PPM1H: variants seen among roughly 807,000 people sequenced by gnomAD.
PPM1H encodes the protein protein phosphatase, Mg2+/Mn2+ dependent 1H.
A neutral mutation model predicts 54.9 loss-of-function variants in PPM1H; 27 were observed. That is an observed-to-expected ratio of 0.49 (90% CI 0.36 to 0.68). PPM1H has a LOEUF of 0.68. Ranked by LOEUF, PPM1H falls within the 30% of genes least tolerant of loss-of-function variation. PPM1H has a pLI of 0.00. For missense variants in PPM1H, 596 were observed against 667.8 expected, an observed-to-expected ratio of 0.89 and a Z score of 1.19; for synonymous variants, 305 against 270.8, an observed-to-expected ratio of 1.13 and a Z score of -1.24.
At chr12:62,785,144 C>G (rs1048935459) in intron 4 of PPM1H, among the ~76,000 whole-genome samples, 1 of 151,868 alleles carries the variant, frequency 6.6e-6, no homozygotes, top group African/African-American at 2.4e-5. Flanking sequence ...ATCTGTTAGG[C>G]TTTTCAAATG....
At chr12:62,913,844 G>C (rs181720920) in intron 1 of PPM1H, among the ~76,000 whole-genome samples, 2 of 152,080 alleles carry the variant, frequency 1.3e-5, no homozygotes, top group Non-Finnish European at 2.9e-5. Flanking sequence ...GGGATTATAC[G>C]CATGCGCCAC....
chr12:62,791,788 G>A (rs1397253064), intron 3 of PPM1H, among the ~76,000 whole-genome samples: 4 of 152,134 alleles, frequency 2.6e-5, no homozygotes, highest in Admixed American at 6.5e-5. Flanking sequence ...GCTGGGTATG[G>A]TGGTGTGCAC....
At chr12:62,835,710 C>A (rs1391063476) in intron 1 of PPM1H, among the ~76,000 whole-genome samples, 2 of 151,848 alleles carry the variant, frequency 1.3e-5, no homozygotes, top group Non-Finnish European at 2.9e-5. Flanking sequence ...TTTTAAATAT[C>A]AATTTAAAGT....
intron 4 of PPM1H, among the ~76,000 whole-genome samples, chr12:62,744,166 T>TAAA (rs549496108): frequency 7.7e-6 from 1 of 129,458 alleles, no homozygotes; most frequent in Admixed American, 7.7e-5. Flanking sequence ...TATACAGTCA[T>TAAA]AAAAAAAAAA....
Position 62,814,037 on chromosome 12 carries a change from T to A in PPM1H, c.412-11877A>T, listed in dbSNP as rs143810249. On this transcript the variant is annotated intron_variant, in intron 2 of 9. Coordinates refer to ENST00000228705, the MANE Select transcript of PPM1H (RefSeq NM_020700.2). ...TACTTTATGGATACACAGTAGTAGG[T>A]TATATATCAATAAATGATCAATAAA... Among the ~76,000 whole-genome samples the A allele has an allele frequency of 9.3e-4, 142 of 152,282 alleles. No homozygotes were observed. The East Asian group carries it at 0.022, about 23-fold the overall frequency.
chr12:62,853,966 G>A (rs749178395), intron 1 of PPM1H, among the ~76,000 whole-genome samples: 3 of 152,046 alleles, frequency 2.0e-5, no homozygotes, highest in African/African-American at 4.8e-5. Context: ...CAAGCTGCAC[G>A]TCATTCAAAT....
chr12:62,832,652 TTC>T (rs1203535511), intron 1 of PPM1H, among the ~76,000 whole-genome samples: 2 of 152,164 alleles, frequency 1.3e-5, no homozygotes, highest in African/African-American at 4.8e-5. Context: ...ACTCAGGGAA[TTC>T]TGTTTCACTT....
chr12:62,725,891 C>T (rs926918556), intron 5 of PPM1H, among the ~76,000 whole-genome samples: 1 of 152,126 alleles, frequency 6.6e-6, no homozygotes, highest in African/African-American at 2.4e-5. Context: ...GTCACCCCCC[C>T]ACTGATACTG....
At chr12:62,796,592 C>T (rs2120730249) in intron 3 of PPM1H, among the ~76,000 whole-genome samples, 1 of 152,308 alleles carries the variant, frequency 6.6e-6, no homozygotes, top group African/African-American at 2.4e-5. Flanking sequence ...GCACGTGACC[C>T]TCCAGGGACC....
chr12:62,834,485 C>T (rs865906813), intron 1 of PPM1H, among the ~76,000 whole-genome samples: 13 of 152,276 alleles, frequency 8.5e-5, no homozygotes, highest in Middle Eastern at 6.8e-3. Context: ...CAACCTCTTC[C>T]TATTGTGCCC....
Position 62,725,744 on chromosome 12 carries a change from C to T in PPM1H, c.955-5455G>A, listed in dbSNP as rs556127975. 5.3e-5 allele frequency among the ~76,000 whole-genome samples: 8 copies of T among 152,174 alleles called. No homozygotes were observed. The East Asian group carries it at 9.7e-4, about 18-fold the overall frequency. On this transcript the variant is annotated intron_variant, in intron 5 of 9. Coordinates refer to ENST00000228705, the MANE Select transcript of PPM1H (RefSeq NM_020700.2). ...TCTTTTCCGCCCCTGCAGGTGTCTG[C>T]CCTTTTGATGTTCACATATGTCCAG...
rs1592615628 is a variant in PPM1H at position 62,819,101 on chromosome 12, C to T, written c.411+13013G>A. Among the ~76,000 whole-genome samples the T allele has an allele frequency of 2.7e-5, 4 of 147,306 alleles. No homozygotes were observed. The South Asian group carries it at 8.7e-4, about 32-fold the overall frequency. On this transcript the variant is annotated intron_variant, in intron 2 of 9. Coordinates refer to ENST00000228705, the MANE Select transcript of PPM1H (RefSeq NM_020700.2). ...CCTCCAAAAGTGCTGGGAGTACAGG[C>T]GTGAGCCACTGCGCCGGCCAAAACA...
chr12:62,845,179 G>A (rs1314046438), intron 1 of PPM1H, among the ~76,000 whole-genome samples: 1 of 152,254 alleles, frequency 6.6e-6, no homozygotes, highest in African/African-American at 2.4e-5. Flanking sequence ...GGACCTGGAA[G>A]TAGCAGAAAG....
chr12:62,852,590 T>A (rs1292680448), intron 1 of PPM1H, among the ~76,000 whole-genome samples: 1 of 152,216 alleles, frequency 6.6e-6, no homozygotes, highest in African/African-American at 2.4e-5. Flanking sequence ...GAATTGATAA[T>A]TGGAAAATAA....
intron 6 of PPM1H, among the ~76,000 whole-genome samples, chr12:62,710,537 T>TAAA (rs35445574): frequency 0.012 from 1,522 of 130,196 alleles, 24 homozygotes; most frequent in African/African-American, 0.042. Flanking sequence ...ACTGTCTCTT[T>TAAA]AAAAAAAAAA....
At chr12:62,649,153 AT>A (rs2075802288) in intron 9 of PPM1H, among the ~76,000 whole-genome samples, 1 of 152,148 alleles carries the variant, frequency 6.6e-6, no homozygotes, top group African/African-American at 2.4e-5. Context: ...AATGTTAAAA[AT>A]AATACAACCT....
intron 1 of PPM1H, among the ~76,000 whole-genome samples, chr12:62,845,368 C>T (rs1288079550): frequency 6.6e-6 from 1 of 152,218 alleles, no homozygotes; most frequent in Non-Finnish European, 1.5e-5. Flanking sequence ...TGAGCCTATA[C>T]CTCCATCCTC....
chr12:62,819,919 C>G (rs2076891869), intron 2 of PPM1H, among the ~76,000 whole-genome samples: 1 of 152,172 alleles, frequency 6.6e-6, no homozygotes, highest in Non-Finnish European at 1.5e-5. Context: ...CTCATTGGGA[C>G]TGGTTGGACA....
chr12:62,779,046 C>CT (rs149921465), intron 4 of PPM1H, among the ~76,000 whole-genome samples: 19,359 of 150,810 alleles, frequency 0.13, 1,551 homozygotes, highest in African/African-American at 0.23. Context: ...TTGTTTTTTG[C>CT]TTTTTTTTTG....
Sources: allele counts gnomAD v4.1 joint callset (sites outside exome capture counted in the v4.1 genomes callset), GRCh38; gene constraint gnomAD v4.1.1; transcripts MANE v1.5; gene names NCBI Gene and HGNC (gene_info 2026-07-23, HGNC 2026-07-21).